GRM5: variants seen among roughly 807,000 people sequenced by gnomAD.
The protein encoded by GRM5 is glutamate metabotropic receptor 5.
Under a neutral mutation model 83.1 loss-of-function variants are expected in GRM5, and 19 were observed. The observed-to-expected ratio is 0.23, with a 90% CI of 0.16 to 0.34. The LOEUF (loss-of-function observed/expected upper bound fraction) is 0.34, where lower values mean the gene tolerates loss of function less well. Among genes scored for constraint, GRM5 ranks in the 10% least tolerant of loss-of-function variants. The pLI is 1.00. For missense variants in GRM5, 1,160 were observed against 1,588.3 expected, an observed-to-expected ratio of 0.73 and a Z score of 4.58; for synonymous variants, 675 against 633.6, an observed-to-expected ratio of 1.07 and a Z score of -0.98.
intron 2 of GRM5, among the ~76,000 whole-genome samples, chr11:88,891,610 C>CAA (rs1555035725): frequency 2.6e-5 from 1 of 38,356 alleles, no homozygotes; most frequent in African/African-American, 8.9e-5. Context: ...ATTCTAATGT[C>CAA]TCATAATTAA....
chr11:88,802,491 A>C (rs1447479869), intron 3 of GRM5, among the ~76,000 whole-genome samples: 2 of 152,070 alleles, frequency 1.3e-5, no homozygotes, highest in Non-Finnish European at 2.9e-5. Context: ...AACAACCTTC[A>C]TGCTAAAAAC....
Position 88,615,519 on chromosome 11 carries a change from C to A in GRM5, c.1148-10555G>T, listed in dbSNP as rs77545829. 2.2e-3 allele frequency among the ~76,000 whole-genome samples: 342 copies of A among 152,098 alleles called. 2 individuals carry two copies. Among genetic ancestry groups the A allele is most frequent in the African/African-American group, 8.2e-3 (339 of 41,488 alleles). On this transcript the variant is annotated intron_variant, in intron 4 of 9. Transcript: ENST00000305447. ...CCAGAGAAGGAAGCACATGGCTGAC[C>A]TTTCACCTTCTTCAGGTAGCTGAGA...
At chr11:88,526,953 T>C (rs1340348070) in intron 8 of GRM5, among the ~76,000 whole-genome samples, 2 of 152,038 alleles carry the variant, frequency 1.3e-5, no homozygotes, top group Non-Finnish European at 2.9e-5. Flanking sequence ...AAATAAGAAA[T>C]ACGTACACAA....
intron 2 of GRM5, among the ~76,000 whole-genome samples, chr11:88,882,457 A>T (rs1431162235): frequency 1.3e-5 from 2 of 149,042 alleles, no homozygotes; most frequent in South Asian, 2.1e-4. Flanking sequence ...GCTACTCGGG[A>T]GGCTGGGGCA....
chr11:88,712,698 G>A (rs1941309856), intron 3 of GRM5, among the ~76,000 whole-genome samples: 1 of 152,052 alleles, frequency 6.6e-6, no homozygotes, highest in Non-Finnish European at 1.5e-5. Flanking sequence ...AGGAGACACG[G>A]GCCATGTCAT....
intron 7 of GRM5, among the ~76,000 whole-genome samples, chr11:88,589,535 C>A (rs1041527124): frequency 2.0e-5 from 3 of 152,090 alleles, no homozygotes; most frequent in Non-Finnish European, 4.4e-5. Flanking sequence ...TAAGTGAATA[C>A]AACTACTATG....
At chr11:88,949,351 A>G (rs914875380) in intron 2 of GRM5, among the ~76,000 whole-genome samples, 8 of 152,218 alleles carry the variant, frequency 5.3e-5, no homozygotes, top group African/African-American at 1.9e-4. Flanking sequence ...TTGCCTGTTC[A>G]GTATGTCTCT....
chr11:88,772,308 A>G (rs1499186), intron 3 of GRM5, among the ~76,000 whole-genome samples: 3,473 of 152,270 alleles, frequency 0.023, 86 homozygotes, highest in South Asian at 0.056. Context: ...ACATGAAGGC[A>G]GTAAGAAGCT....
At chr11:88,832,613 A>C (rs1002498207) in intron 3 of GRM5, among the ~76,000 whole-genome samples, 2 of 152,128 alleles carry the variant, frequency 1.3e-5, no homozygotes, top group Non-Finnish European at 2.9e-5. Context: ...AAGAAAAAAA[A>C]ATCTTAAAAT....
chr11:88,557,024 C>T (rs539745724), intron 8 of GRM5, among the ~76,000 whole-genome samples: 2 of 152,196 alleles, frequency 1.3e-5, no homozygotes, highest in South Asian at 2.1e-4. Context: ...AAATGAGATA[C>T]ATGCTTGAGA....
At chr11:88,560,227 T>C (rs920925358) in intron 8 of GRM5, among the ~76,000 whole-genome samples, 1 of 152,202 alleles carries the variant, frequency 6.6e-6, no homozygotes, top group Non-Finnish European at 1.5e-5. Context: ...TGAAGGCTTC[T>C]AAACAGGGTT....
At chr11:88,797,835 A>G (rs1216464748) in intron 3 of GRM5, among the ~76,000 whole-genome samples, 1 of 151,814 alleles carries the variant, frequency 6.6e-6, no homozygotes, top group Admixed American at 6.6e-5. Flanking sequence ...GTTAAAAAAA[A>G]AAAGCATTAT....
chr11:88,800,099 T>A (rs188658015), intron 3 of GRM5, among the ~76,000 whole-genome samples: 6 of 152,146 alleles, frequency 3.9e-5, no homozygotes, highest in Admixed American at 2.6e-4. Flanking sequence ...AAAAAATAAA[T>A]AAATAAATAA....
intron 2 of GRM5, among the ~76,000 whole-genome samples, chr11:88,991,285 C>A (rs1939958425): frequency 6.6e-6 from 1 of 151,980 alleles, no homozygotes; most frequent in Admixed American, 6.5e-5. Context: ...GAATAAAATA[C>A]CTAGGAATCC....
intron 4 of GRM5, among the ~76,000 whole-genome samples, chr11:88,643,922 C>G (rs1939368991): frequency 6.6e-6 from 1 of 152,158 alleles, no homozygotes; most frequent in African/African-American, 2.4e-5. Context: ...ACTTCAAATA[C>G]TAGTGAGACA....
At chr11:89,062,331 C>G (rs1029247974) in intron 1 of GRM5, among the ~76,000 whole-genome samples, 7 of 152,222 alleles carry the variant, frequency 4.6e-5, no homozygotes, top group Admixed American at 4.6e-4. Flanking sequence ...GCAACTAAGA[C>G]TTCCACAGAA....
chr11:88,508,541 C>T lies in GRM5; in HGVS notation c.*51G>A. On this transcript the variant is annotated 3_prime_UTR_variant, in exon 10 of 10. Transcript: ENST00000305447. This position sits in a 1 kb window ranked among gnomAD's most constrained non-coding sequence, Gnocchi z 4.2. ...ATGCTTGCCATTGTGTGTGTGTGAA[C>T]ACGGGGGGCTCCGCTCCGCACGCGC... 1 of 1,480,532 alleles carries T rather than the reference C, an allele frequency of 6.8e-7. No homozygotes were observed. The highest frequency in any genetic ancestry group is 9.3e-7 in the Non-Finnish European group (1 of 1,070,144). The allele number at this position is 1,480,532 out of a possible 1,614,324, so 91.7% of individuals were successfully genotyped here. A position where few individuals can be genotyped will look rare whatever the true frequency, so the allele number is the denominator to read the frequency against.
intron 2 of GRM5, among the ~76,000 whole-genome samples, chr11:88,976,546 CA>C (rs5793376): frequency 0.66 from 93,487 of 142,456 alleles, 30,124 homozygotes; most frequent in African/African-American, 0.8. Context: ...CAGGGCTTGG[CA>C]AAAAAAAAAA....
At chr11:88,690,862 A>G (rs998030684) in intron 3 of GRM5, among the ~76,000 whole-genome samples, 4 of 152,222 alleles carry the variant, frequency 2.6e-5, no homozygotes, top group African/African-American at 7.2e-5. Flanking sequence ...TCCACATTCA[A>G]TTTCGACTTC....
Sources: gnomAD v4.1 joint callset for allele counts (sites outside exome capture counted in the v4.1 genomes callset) on GRCh38, gnomAD v4.1.1 for gene constraint, Gnocchi (gnomAD v3.1) non-coding constraint, MANE v1.5 for transcripts, NCBI Gene and HGNC (gene_info 2026-07-23, HGNC 2026-07-21) for gene names.